Variants in PTPRD observed in about 807,000 individuals in gnomAD.
PTPRD encodes the protein receptor-type tyrosine-protein phosphatase delta.
In PTPRD, 34 loss-of-function variants were observed where a neutral mutation model predicts 214.5. The ratio of observed to expected loss-of-function variants is 0.16; its 90% CI spans 0.12 to 0.21. PTPRD has a LOEUF of 0.21. Ranked by LOEUF, PTPRD falls within the 10% of genes least tolerant of loss-of-function variation. The pLI is 1.00. For synonymous variants in PTPRD, 1,128 were observed against 845.7 expected (o/e 1.33, Z -5.79); for missense variants, 2,545 against 2,398.7 (o/e 1.06, Z -1.27).
At chr9:9,143,108 C>T (rs1289614636) in intron 10 of PTPRD, among the ~76,000 whole-genome samples, 2 of 152,198 alleles carry the variant, frequency 1.3e-5, no homozygotes, top group Non-Finnish European at 2.9e-5. Flanking sequence ...GGTCTTTCTA[C>T]TCCTCTCCCC....
At chr9:10,569,959 T>C (rs1157063412) in intron 2 of PTPRD, among the ~76,000 whole-genome samples, 1 of 152,142 alleles carries the variant, frequency 6.6e-6, no homozygotes, top group Non-Finnish European at 1.5e-5. Context: ...TTTTATGATA[T>C]ATAATATGTC....
At chr9:9,527,325 T>C (rs1478058084) in intron 8 of PTPRD, among the ~76,000 whole-genome samples, 1 of 152,182 alleles carries the variant, frequency 6.6e-6, no homozygotes, top group Non-Finnish European at 1.5e-5. Context: ...ATTCAGAACT[T>C]AATGACAGTC....
At chr9:10,405,645 G>C (rs986977354) in intron 2 of PTPRD, among the ~76,000 whole-genome samples, 3 of 151,516 alleles carry the variant, frequency 2.0e-5, no homozygotes, top group Non-Finnish European at 3.0e-5. Context: ...AGAAGTGTAT[G>C]TACAGAAATT....
chr9:9,758,545 G>A (rs2098612344), intron 6 of PTPRD, among the ~76,000 whole-genome samples: 2 of 152,150 alleles, frequency 1.3e-5, no homozygotes, highest in Admixed American at 6.5e-5. Context: ...TTCTCAGAAA[G>A]TACATAAAGC....
intron 44 of PTPRD, among the ~76,000 whole-genome samples, chr9:8,327,877 C>A (rs1055655473): frequency 1.3e-5 from 2 of 152,124 alleles, no homozygotes; most frequent in African/African-American, 4.8e-5. Context: ...GTAAATATTC[C>A]TCCATCCCTT....
chr9:8,899,364 CA>C (rs2098646916), intron 11 of PTPRD, among the ~76,000 whole-genome samples: 1 of 152,080 alleles, frequency 6.6e-6, no homozygotes, highest in African/African-American at 2.4e-5. Flanking sequence ...ACTGTGTTCT[CA>C]AACATTAATT....
intron 11 of PTPRD, among the ~76,000 whole-genome samples, chr9:8,939,258 G>C (rs1392749083): frequency 6.6e-6 from 1 of 152,068 alleles, no homozygotes; most frequent in Non-Finnish European, 1.5e-5. Context: ...TATTTGAACA[G>C]CTCATTTAAA....
chr9:8,949,152 A>T (rs1180775451), intron 11 of PTPRD, among the ~76,000 whole-genome samples: 4 of 148,318 alleles, frequency 2.7e-5, no homozygotes, highest in Non-Finnish European at 5.9e-5. Flanking sequence ...TGAACCCGGG[A>T]GGTGGAGGGT....
intron 3 of PTPRD, among the ~76,000 whole-genome samples, chr9:10,091,161 C>G (rs2098425531): frequency 1.3e-5 from 2 of 151,294 alleles, no homozygotes; most frequent in African/African-American, 4.8e-5. Flanking sequence ...AAGATTTGAA[C>G]TGGAATTTAG....
chr9:9,224,932 C>A (rs1423253128), intron 9 of PTPRD, among the ~76,000 whole-genome samples: 3 of 151,858 alleles, frequency 2.0e-5, no homozygotes, highest in Non-Finnish European at 4.4e-5. Flanking sequence ...ACCTTTTCCC[C>A]AAAAAATCAG....
intron 3 of PTPRD, among the ~76,000 whole-genome samples, chr9:10,128,702 A>G (rs1344254028): frequency 6.6e-6 from 1 of 152,166 alleles, no homozygotes; most frequent in Non-Finnish European, 1.5e-5. Flanking sequence ...TCTCTCTGCG[A>G]TACCGTCTTT....
At chr9:10,519,913 G>C (rs751375323) in intron 2 of PTPRD, among the ~76,000 whole-genome samples, 2 of 151,712 alleles carry the variant, frequency 1.3e-5, no homozygotes, top group Non-Finnish European at 2.9e-5. Flanking sequence ...CTCTCCTCAG[G>C]CTCCCCTATT....
At chr9:8,463,331 A>T (rs1213043083) in intron 32 of PTPRD, among the ~76,000 whole-genome samples, 1 of 150,804 alleles carries the variant, frequency 6.6e-6, no homozygotes, top group Admixed American at 6.6e-5. Flanking sequence ...AAAAAAAAAA[A>T]AAAGATGTGT....
chr9:9,794,597 G>T (rs182346844), intron 5 of PTPRD, among the ~76,000 whole-genome samples: 167 of 152,132 alleles, frequency 1.1e-3, no homozygotes, highest in Non-Finnish European at 2.1e-3. Flanking sequence ...GATGAGTCTT[G>T]ATGATAATCA....
At chr9:9,010,358 T>C (rs918936764) in intron 11 of PTPRD, among the ~76,000 whole-genome samples, 1 of 152,166 alleles carries the variant, frequency 6.6e-6, no homozygotes, top group Non-Finnish European at 1.5e-5. Flanking sequence ...CACATTGACA[T>C]GCTATAGGAT....
At chr9:9,264,416 C>T (rs1938066287) in intron 9 of PTPRD, among the ~76,000 whole-genome samples, 1 of 151,526 alleles carries the variant, frequency 6.6e-6, no homozygotes, top group African/African-American at 2.4e-5. Context: ...GTGTCAAAGG[C>T]ATACTTAATG....
At chr9:10,574,813 CAT>C (rs143887636) in intron 2 of PTPRD, among the ~76,000 whole-genome samples, 10,281 of 136,278 alleles carry the variant, frequency 0.075, 522 homozygotes, top group African/African-American at 0.15. Flanking sequence ...TATGTGTGTG[CAT>C]ATATATATAT....
At chr9:9,450,100 G>C (rs1415123349) in intron 8 of PTPRD, among the ~76,000 whole-genome samples, 2 of 71,156 alleles carry the variant, frequency 2.8e-5, no homozygotes, top group Admixed American at 3.0e-4. Flanking sequence ...TCCATGGTGT[G>C]TGTGTGTGTG....
chr9:10,452,888 A>C (rs2098853480), intron 2 of PTPRD, among the ~76,000 whole-genome samples: 1 of 151,714 alleles, frequency 6.6e-6, no homozygotes, highest in South Asian at 2.1e-4. Flanking sequence ...CAGATCCAAG[A>C]AATCACTGTG....
Sources: allele counts gnomAD v4.1 joint callset (sites outside exome capture counted in the v4.1 genomes callset), GRCh38; gene constraint gnomAD v4.1.1; transcripts MANE v1.5; gene names NCBI Gene and HGNC (gene_info 2026-07-23, HGNC 2026-07-21).